KIF6: variants seen among roughly 807,000 people sequenced by gnomAD.
The protein encoded by KIF6 is kinesin-like protein KIF6.
KIF6 carries 106 observed loss-of-function variants against 112.7 expected under a neutral mutation model. The observed-to-expected ratio is 0.94, with a 90% confidence interval of 0.80 to 1.11. The LOEUF (loss-of-function observed/expected upper bound fraction) is 1.11, where lower values mean the gene tolerates loss of function less well. Among genes scored for constraint, KIF6 ranks in the 50% least tolerant of loss-of-function variants. The pLI is 0.00. For synonymous variants in KIF6, 339 were observed against 339.9 expected (o/e 1.00, Z 0.03); for missense variants, 929 against 964.0 (o/e 0.96, Z 0.48).
intron 3 of KIF6, among the ~76,000 whole-genome samples, chr6:39,695,257 G>T (rs551797083): frequency 6.6e-6 from 1 of 152,136 alleles, no homozygotes; most frequent in East Asian, 1.9e-4. Flanking sequence ...ACTGGCTTAG[G>T]CAAGGAATTT....
At chr6:39,535,629 C>A (rs1052857224) in intron 13 of KIF6, among the ~76,000 whole-genome samples, 14 of 152,148 alleles carry the variant, frequency 9.2e-5, no homozygotes, top group Non-Finnish European at 2.1e-4. Flanking sequence ...CTTTAACACC[C>A]CACTGTCAAC....
At chr6:39,567,928 A>G (rs1159062441) in intron 10 of KIF6, among the ~76,000 whole-genome samples, 2 of 152,196 alleles carry the variant, frequency 1.3e-5, no homozygotes, top group East Asian at 1.9e-4. Flanking sequence ...AGTGATTTCT[A>G]TCAACAGAGG....
chr6:39,680,924 A>G (rs891467048), intron 3 of KIF6, among the ~76,000 whole-genome samples: 1 of 152,200 alleles, frequency 6.6e-6, no homozygotes, highest in African/African-American at 2.4e-5. Flanking sequence ...TAGTATGGTC[A>G]GTGTACAGGA....
intron 13 of KIF6, among the ~76,000 whole-genome samples, chr6:39,528,498 A>G (rs530928980): frequency 2.0e-5 from 3 of 152,360 alleles, no homozygotes; most frequent in Non-Finnish European, 4.4e-5. Flanking sequence ...CAGAAGTGGC[A>G]TTACTGGATC....
At chr6:39,623,244 C>T (rs1040738653) in intron 5 of KIF6, among the ~76,000 whole-genome samples, 2 of 152,094 alleles carry the variant, frequency 1.3e-5, no homozygotes, top group Admixed American at 1.3e-4. Context: ...TTTTCTCTCA[C>T]TTCTCTACTT....
intron 3 of KIF6, among the ~76,000 whole-genome samples, chr6:39,692,846 T>A (rs1201938220): frequency 6.6e-6 from 1 of 152,146 alleles, no homozygotes; most frequent in African/African-American, 2.4e-5. Context: ...TTTTTTTTCA[T>A]TAGAGAAGAG....
At chr6:39,450,662 G>A (rs114138150) in intron 13 of KIF6, among the ~76,000 whole-genome samples, 2,078 of 152,198 alleles carry the variant, frequency 0.014, 22 homozygotes, top group Non-Finnish European at 0.021. Flanking sequence ...AAAATTAGCT[G>A]GGCCTGGTGG....
intron 5 of KIF6, among the ~76,000 whole-genome samples, chr6:39,627,257 GCTATCTTCC>G (rs1582307157): frequency 6.6e-6 from 1 of 152,110 alleles, no homozygotes; most frequent in Non-Finnish European, 1.5e-5. Flanking sequence ...GATTTCATCT[GCTATCTTCC>G]CTATGAATCT....
At chr6:39,655,922 G>C (rs1003803813) in intron 3 of KIF6, among the ~76,000 whole-genome samples, 1 of 151,940 alleles carries the variant, frequency 6.6e-6, no homozygotes, top group African/African-American at 2.4e-5. Flanking sequence ...TCCTTTCCTT[G>C]TGAATTTTAA....
intron 5 of KIF6, among the ~76,000 whole-genome samples, chr6:39,628,264 G>A (rs1347012566): frequency 6.6e-6 from 1 of 151,996 alleles, no homozygotes; most frequent in African/African-American, 2.4e-5. Flanking sequence ...GTGTGTGTGT[G>A]TGTATACATT....
chr6:39,426,625 T>C (rs1253948132), intron 14 of KIF6, among the ~76,000 whole-genome samples: 9 of 152,024 alleles, frequency 5.9e-5, no homozygotes, highest in African/African-American at 2.2e-4. Context: ...ATGGCATGCA[T>C]CTGTAGTCCC....
intron 13 of KIF6, among the ~76,000 whole-genome samples, chr6:39,510,840 G>A (rs866529760): frequency 5.4e-5 from 5 of 92,836 alleles, no homozygotes; most frequent in Non-Finnish European, 1.0e-4. Context: ...AAAATAAAGC[G>A]ATGGAAGAAG....
intron 16 of KIF6, among the ~76,000 whole-genome samples, chr6:39,382,722 T>C (rs1371276671): frequency 1.3e-5 from 2 of 152,158 alleles, no homozygotes; most frequent in Non-Finnish European, 2.9e-5. Flanking sequence ...GTTCTATTTT[T>C]AGTTCTCTGA....
chr6:39,454,985 C>T (rs1369430387), intron 13 of KIF6, among the ~76,000 whole-genome samples: 1 of 151,070 alleles, frequency 6.6e-6, no homozygotes, highest in African/African-American at 2.4e-5. Context: ...GTAAACAAAG[C>T]AGCCGGGAAG....
chr6:39,663,978 A>G (rs1786307845), intron 3 of KIF6, among the ~76,000 whole-genome samples: 1 of 152,066 alleles, frequency 6.6e-6, no homozygotes, highest in Admixed American at 6.6e-5. Context: ...ATTTGTTCCT[A>G]GTACTTATAT....
At chr6:39,426,802 C>T (rs1770797310) in intron 14 of KIF6, among the ~76,000 whole-genome samples, 1 of 152,064 alleles carries the variant, frequency 6.6e-6, no homozygotes, top group South Asian at 2.1e-4. Context: ...CACTCACTGT[C>T]CCCTCCTGCA....
chr6:39,391,699 A>G (rs1371663111), intron 15 of KIF6, among the ~76,000 whole-genome samples: 2 of 152,218 alleles, frequency 1.3e-5, no homozygotes, highest in Non-Finnish European at 2.9e-5. Flanking sequence ...TATATGAATA[A>G]ATCTCATGCT....
At chr6:39,360,562 T>C in intron 17 of KIF6, 32 bp from the exon 18 acceptor site, 3 of 1,613,810 alleles carry the variant, frequency 1.9e-6, no homozygotes, top group Non-Finnish European at 2.5e-6. Flanking sequence ...GTCAGGGCAC[T>C]GCTGTCTTGA....
At chr6:39,502,086 T>G (rs768548208) in intron 13 of KIF6, among the ~76,000 whole-genome samples, 7 of 151,986 alleles carry the variant, frequency 4.6e-5, no homozygotes, top group Admixed American at 1.3e-4. Context: ...GGCAGCCAGA[T>G]AGAAAGGCCA....
Sources: allele counts gnomAD v4.1 joint callset (sites outside exome capture counted in the v4.1 genomes callset), GRCh38; gene constraint gnomAD v4.1.1; transcripts MANE v1.5; gene names NCBI Gene and HGNC (gene_info 2026-07-23, HGNC 2026-07-21).